Variants in DLG2 observed in about 807,000 individuals in gnomAD.
DLG2 encodes disks large homolog 2.
In DLG2, 45 loss-of-function variants were observed where a neutral mutation model predicts 132.5. The observed-to-expected ratio is 0.34, with a 90% CI of 0.27 to 0.44. The LOEUF (loss-of-function observed/expected upper bound fraction) is 0.44. Among genes scored for constraint, DLG2 ranks in the 20% least tolerant of loss-of-function variants. DLG2 has a pLI of 1.00. For missense variants in DLG2, 1,045 were observed against 1,196.9 expected, an observed-to-expected ratio of 0.87 and a Z score of 1.87; for synonymous variants, 424 against 419.6, an observed-to-expected ratio of 1.01 and a Z score of -0.13.
intron 12 of DLG2, among the ~76,000 whole-genome samples, chr11:83,974,600 G>A (rs752949237): frequency 6.6e-6 from 1 of 151,274 alleles, no homozygotes; most frequent in African/African-American, 2.4e-5. Context: ...CAAGAGAATT[G>A]GGATACAAGT....
At chr11:85,397,170 G>C (rs2087474515) in intron 3 of DLG2, among the ~76,000 whole-genome samples, 1 of 152,114 alleles carries the variant, frequency 6.6e-6, no homozygotes, top group South Asian at 2.1e-4. Context: ...TTCATATCCA[G>C]CCAAACTAAA....
At chr11:83,666,153 G>T (rs139806272) in intron 18 of DLG2, among the ~76,000 whole-genome samples, 8 of 152,108 alleles carry the variant, frequency 5.3e-5, no homozygotes, top group African/African-American at 1.9e-4. Flanking sequence ...ATCTACTTCT[G>T]CCCTTTGCAG....
At chr11:85,296,143 A>G (rs1333361717) in intron 3 of DLG2, among the ~76,000 whole-genome samples, 1 of 152,174 alleles carries the variant, frequency 6.6e-6, no homozygotes, top group African/African-American at 2.4e-5. Flanking sequence ...GCAGCAGAAG[A>G]GAAAAAGATG....
At chr11:84,362,744 G>C (rs1465901454) in intron 7 of DLG2, among the ~76,000 whole-genome samples, 1 of 151,996 alleles carries the variant, frequency 6.6e-6, no homozygotes, top group Non-Finnish European at 1.5e-5. Context: ...CCACCTATGA[G>C]TGAGAATGTG....
At chr11:84,503,713 G>C (rs1412922424) in intron 7 of DLG2, among the ~76,000 whole-genome samples, 3 of 152,148 alleles carry the variant, frequency 2.0e-5, no homozygotes, top group Non-Finnish European at 4.4e-5. Context: ...GTCTGAGTCA[G>C]CAAGTTCAAC....
intron 6 of DLG2, among the ~76,000 whole-genome samples, chr11:85,066,670 A>C (rs546640359): frequency 1.1e-4 from 17 of 151,942 alleles, no homozygotes; most frequent in Admixed American, 9.2e-4. Context: ...TCACCACATA[A>C]ACAAAGTTAA....
chr11:85,093,519 A>T (rs964996765), intron 6 of DLG2, among the ~76,000 whole-genome samples: 4 of 152,214 alleles, frequency 2.6e-5, no homozygotes. Flanking sequence ...GAGACTGGGT[A>T]ATTTATAAAG....
intron 3 of DLG2, among the ~76,000 whole-genome samples, chr11:85,562,275 G>A (rs753031563): frequency 4.0e-5 from 6 of 151,700 alleles, no homozygotes; most frequent in Non-Finnish European, 8.8e-5. Context: ...TCACCCTAGA[G>A]TCCTTGTAAA....
At chr11:84,112,672 T>C (rs2093426479) in intron 9 of DLG2, among the ~76,000 whole-genome samples, 1 of 152,184 alleles carries the variant, frequency 6.6e-6, no homozygotes, top group Admixed American at 6.5e-5. Context: ...CCCTTTAAAA[T>C]GGTAACATGC....
chr11:84,001,694 A>T (rs2154046314), intron 11 of DLG2, among the ~76,000 whole-genome samples: 1 of 152,298 alleles, frequency 6.6e-6, no homozygotes, highest in African/African-American at 2.4e-5. Flanking sequence ...ATGTCAGGTC[A>T]CAAAACAAGT....
intron 6 of DLG2, among the ~76,000 whole-genome samples, chr11:84,840,067 A>G (rs1475382547): frequency 6.6e-6 from 1 of 152,182 alleles, no homozygotes; most frequent in African/African-American, 2.4e-5. Context: ...ACAGAATGGG[A>G]GAAAATTTTT....
intron 6 of DLG2, among the ~76,000 whole-genome samples, chr11:85,001,436 G>T (rs1242509613): frequency 6.6e-6 from 1 of 152,144 alleles, no homozygotes; most frequent in Admixed American, 6.6e-5. Context: ...GTAAGCAATT[G>T]TTAGGTCTTA....
In DLG2 at chr11:84,827,676, C is replaced by CAAAAAAAAAAA. The variant is rs398016953; in HGVS notation, c.357+283974_357+283984dup. On this transcript the variant is annotated intron_variant, in intron 6 of 27. Coordinates refer to ENST00000376104, the MANE Select transcript of DLG2 (RefSeq NM_001142699.3). ...AAGGCTGGAACTGAGTACATACAGT[C>CAAAAAAAAAAA]AAAAAAAAAAAAAAAAAAAAAAGCC... is the stretch of plus-strand genomic sequence containing the variant. Among the ~76,000 whole-genome samples, 47 of 35,096 alleles carry CAAAAAAAAAAA rather than the reference C, an allele frequency of 1.3e-3. 1 individual carries two copies. The highest frequency in any genetic ancestry group is 2.6e-3 in the African/African-American group (19 of 7,206). 23.0% of individuals were successfully genotyped at this position (35,096 alleles called of 152,430 possible).
At chr11:84,507,645 T>C (rs2099245262) in intron 7 of DLG2, among the ~76,000 whole-genome samples, 1 of 152,206 alleles carries the variant, frequency 6.6e-6, no homozygotes, top group Non-Finnish European at 1.5e-5. Context: ...GTTATATTCC[T>C]TTGATGCCTA....
intron 20 of DLG2, 151 bp from the exon 21 acceptor site, chr11:83,532,934 AT>A: frequency 1.5e-6 from 1 of 674,540 alleles, no homozygotes; most frequent in South Asian, 2.2e-5. Context: ...CATATAAAAA[AT>A]CTTGGTACAA....
intron 6 of DLG2, among the ~76,000 whole-genome samples, chr11:84,725,609 C>A (rs963912446): frequency 1.3e-5 from 2 of 152,110 alleles, no homozygotes; most frequent in African/African-American, 4.8e-5. Context: ...CTCTTCCTAA[C>A]AGTAACAAAG....
chr11:83,771,868 T>C (rs527635457), intron 18 of DLG2, among the ~76,000 whole-genome samples: 1 of 152,334 alleles, frequency 6.6e-6, no homozygotes, highest in South Asian at 2.1e-4. Flanking sequence ...TAAATATCTT[T>C]ATATGAAGAT....
chr11:85,486,680 C>T (rs1183762210), intron 3 of DLG2, among the ~76,000 whole-genome samples: 2 of 152,090 alleles, frequency 1.3e-5, no homozygotes, highest in Non-Finnish European at 2.9e-5. Flanking sequence ...GCAGTCACCA[C>T]CAACACCAGT....
intron 18 of DLG2, among the ~76,000 whole-genome samples, chr11:83,671,980 T>C (rs1284742898): frequency 6.6e-6 from 1 of 152,200 alleles, no homozygotes; most frequent in Non-Finnish European, 1.5e-5. Context: ...TCTTTTTTCT[T>C]TGCCAATTAT....
Sources: allele counts gnomAD v4.1 joint callset (sites outside exome capture counted in the v4.1 genomes callset), GRCh38; gene constraint gnomAD v4.1.1; transcripts MANE v1.5; gene names NCBI Gene and HGNC (gene_info 2026-07-23, HGNC 2026-07-21).